SV2C: variants seen among roughly 807,000 people sequenced by gnomAD.
SV2C encodes synaptic vesicle glycoprotein 2C.
SV2C carries 49 observed loss-of-function variants against 79.7 expected under a neutral mutation model. The ratio of observed to expected loss-of-function variants is 0.61; its 90% CI spans 0.49 to 0.78. The LOEUF (loss-of-function observed/expected upper bound fraction) is 0.78, where lower values mean the gene tolerates loss of function less well. SV2C is among the 30% of genes least tolerant of loss of function. The pLI is 0.00. For synonymous variants in SV2C, 334 were observed against 333.2 expected (o/e 1.00, Z -0.03); for missense variants, 833 against 912.9 (o/e 0.91, Z 1.13).
At chr5:76,216,553 T>C (rs928785586) in intron 4 of SV2C, among the ~76,000 whole-genome samples, 7 of 152,126 alleles carry the variant, frequency 4.6e-5, no homozygotes, top group African/African-American at 1.7e-4. Context: ...ACCCAGTGCT[T>C]TGGGAGGCTG....
At chr5:76,026,201 A>AACACACACACACACACAC in the SV2C span, among the ~76,000 whole-genome samples, 159 of 140,132 alleles carry the variant, frequency 1.1e-3, no homozygotes, top group East Asian at 2.4e-3. Context: ...CAAATTTACA[A>AACACACACACACACACAC]ACACACACAC....
chr5:76,184,253 A>C (rs965442538), intron 2 of SV2C, among the ~76,000 whole-genome samples: 1 of 152,178 alleles, frequency 6.6e-6, no homozygotes, highest in South Asian at 2.1e-4. Flanking sequence ...TTGCTGCACT[A>C]GGCTGTGATC....
chr5:75,968,377 T>A, the SV2C span, among the ~76,000 whole-genome samples: 1 of 152,010 alleles, frequency 6.6e-6, no homozygotes, highest in African/African-American at 2.4e-5. Context: ...CAAACTACTC[T>A]GAGCTAAAGG....
the SV2C span, among the ~76,000 whole-genome samples, chr5:75,917,928 C>T: frequency 6.6e-6 from 1 of 152,062 alleles, no homozygotes; most frequent in African/African-American, 2.4e-5. Flanking sequence ...TCATATACCC[C>T]ATAAATATTT....
rs562889353 is a variant in SV2C at position 76,092,417 on chromosome 5, C to G, written c.-102+8905C>G. 2.6e-5 allele frequency among the ~76,000 whole-genome samples: 4 copies of G among 152,242 alleles called. No individual in the cohort carries two copies. In the South Asian group the frequency reaches 8.3e-4, roughly 32 times the overall value. On this transcript the variant is annotated intron_variant, in intron 1 of 12. Coordinates refer to ENST00000502798, the MANE Select transcript of SV2C (RefSeq NM_014979.4). The stretch of plus-strand genomic sequence containing the variant: ...CAGGCAATAATGTAGGTGAGGTCAT[C>G]TAAGTTGTGAGAACGTAAATTGCTT...
chr5:76,026,830 T>G, the SV2C span, among the ~76,000 whole-genome samples: 136 of 152,198 alleles, frequency 8.9e-4, no homozygotes, highest in Admixed American at 1.5e-3. Context: ...ACGGGAAAGA[T>G]TAAGGATGGC....
the SV2C span, among the ~76,000 whole-genome samples, chr5:75,960,105 T>C: frequency 3.3e-5 from 5 of 152,014 alleles, no homozygotes; most frequent in African/African-American, 7.2e-5. Context: ...CTGATGCTAT[T>C]TTAATATGAC....
At chr5:75,946,260 T>G in the SV2C span, among the ~76,000 whole-genome samples, 1 of 152,098 alleles carries the variant, frequency 6.6e-6, no homozygotes, top group Non-Finnish European at 1.5e-5. Flanking sequence ...GTGATGTATA[T>G]GTAAGAATTT....
In SV2C at chr5:76,327,427, A is replaced by C. The variant is rs1749046419; in HGVS notation, c.*1880A>C. 6.6e-6 allele frequency: 1 copy of C among 152,248 alleles called. No homozygotes were observed. Among genetic ancestry groups the C allele is most frequent in the African/African-American group, 2.4e-5 (1 of 41,456 alleles). 9.4% of individuals were successfully genotyped at this position (152,248 alleles called of 1,614,324 possible). Reference sequence around the variant, plus strand: ...AAAGATACCAACCGCACAGGGAAAGAAACAACTTTCTCTCACTTCTGCCTC... The same window carrying C: ...AAAGATACCAACCGCACAGGGAAAGCAACAACTTTCTCTCACTTCTGCCTC... On this transcript the variant is annotated 3_prime_UTR_variant, in exon 13 of 13. Coordinates refer to ENST00000502798, the MANE Select transcript of SV2C (RefSeq NM_014979.4).
chr5:76,049,348 A>G, the SV2C span, among the ~76,000 whole-genome samples: 1 of 152,070 alleles, frequency 6.6e-6, no homozygotes, highest in South Asian at 2.1e-4. Context: ...AGAAAAAAAA[A>G]ATCAAGGTCT....
the SV2C span, among the ~76,000 whole-genome samples, chr5:76,076,895 T>C: frequency 6.6e-6 from 1 of 152,202 alleles, no homozygotes; most frequent in African/African-American, 2.4e-5. Flanking sequence ...GGGCTGTGCC[T>C]CACTATTAGA....
chr5:75,988,617 T>C, the SV2C span, among the ~76,000 whole-genome samples: 1 of 151,856 alleles, frequency 6.6e-6, no homozygotes, highest in African/African-American at 2.4e-5. Context: ...CCCATTCTAT[T>C]TTTCCCCATG....
At chr5:76,311,403 G>A (rs186453169) in intron 12 of SV2C, 117 of 152,382 alleles carry the variant, frequency 7.7e-4, no homozygotes, top group African/African-American at 2.6e-3. Context: ...GATGAGTGAG[G>A]TGAAGCGGGA....
chr5:76,188,909 G>A (rs1561256127), intron 2 of SV2C, among the ~76,000 whole-genome samples: 1 of 151,946 alleles, frequency 6.6e-6, no homozygotes, highest in Non-Finnish European at 1.5e-5. Flanking sequence ...TGGGGTTCCA[G>A]GAGCAGGGAC....
the SV2C span, among the ~76,000 whole-genome samples, chr5:76,026,888 TG>T: frequency 6.6e-6 from 1 of 152,048 alleles, no homozygotes; most frequent in Non-Finnish European, 1.5e-5. Context: ...GAGGTGCAAA[TG>T]GACAAGCACC....
chr5:76,301,641 G>A, intron 12 of SV2C, 96 bp downstream of exon 12: 1 of 1,422,762 alleles, frequency 7.0e-7, no homozygotes, highest in Admixed American at 2.0e-5. Flanking sequence ...GGGCACGGTA[G>A]CTTATGCCTG....
chr5:76,124,895 A>G (rs2112170565), intron 1 of SV2C, among the ~76,000 whole-genome samples: 1 of 152,334 alleles, frequency 6.6e-6, no homozygotes, highest in Middle Eastern at 3.4e-3. Flanking sequence ...TCTGTACTAA[A>G]TTGAATTCAA....
intron 4 of SV2C, among the ~76,000 whole-genome samples, chr5:76,272,383 C>A (rs1383068694): frequency 1.3e-5 from 2 of 152,156 alleles, no homozygotes; most frequent in Non-Finnish European, 2.9e-5. Context: ...CTTCCTGGGG[C>A]CATGTGCAAA....
At position 76,131,926 on chromosome 5, in the gene SV2C, A is replaced by G; in HGVS notation, c.176A>G (p.Tyr59Cys). 1 of 1,614,060 alleles carries G rather than the reference A, an allele frequency of 6.2e-7. No homozygotes were observed. The highest frequency in any genetic ancestry group is 8.5e-7 in the Non-Finnish European group (1 of 1,179,986). Residue 59 changes from tyrosine (Y) to cysteine (C), a missense_variant, in exon 2 of 13, where the codon TAC (tyrosine) becomes TGC (cysteine). Physicochemically the swap from Tyr to Cys is radical, Grantham distance 194. Transcript: ENST00000502798. ...FQDEEDDDDY[Y>C]PAGETYNGEA... is the part of the protein sequence containing the mutation. ...GATGAAGAAGATGATGATGACTACT[A>G]CCCGGCTGGAGAAACCTATAATGGT... is the stretch of plus-strand genomic sequence containing the variant.
Sources: gnomAD v4.1 joint callset for allele counts (sites outside exome capture counted in the v4.1 genomes callset) on GRCh38, gnomAD v4.1.1 for gene constraint, MANE v1.5 for transcripts, NCBI Gene and HGNC (gene_info 2026-07-23, HGNC 2026-07-21) for gene names.